The following CEP63 variants were observed in gnomAD, a reference collection of about 807,000 sequenced individuals.
CEP63 encodes the protein centrosomal protein 63, also known as centrosomal protein of 63 kDa.
CEP63 carries 84 observed loss-of-function variants against 89.1 expected under a neutral mutation model. The observed-to-expected ratio is 0.94, with a 90% CI of 0.79 to 1.13. The LOEUF is 1.13. Among genes scored for constraint, CEP63 ranks in the 50% most tolerant of loss-of-function variants. The pLI, the probability that CEP63 is intolerant of heterozygous loss-of-function variation, is 0.00. For missense variants in CEP63, 838 were observed against 813.3 expected, an observed-to-expected ratio of 1.03 and a Z score of -0.37; for synonymous variants, 267 against 272.5, an observed-to-expected ratio of 0.98 and a Z score of 0.20.
Position 134,559,430 on chromosome 3 carries a change from G to A in CEP63, c.1953+1G>A, listed in dbSNP as rs761566762. On this transcript the variant is annotated splice_donor_variant, in intron 14 of 14. Transcript: ENST00000675561. LOFTEE classifies it high-confidence loss of function. ...TGACCAAGAAGAGTTTATATCTTCG[G>A]TATGGAAACTTTCTGATCTTAGTAA... 3 of 1,610,876 alleles carry A rather than the reference G, an allele frequency of 1.9e-6. No individual in the cohort carries two copies. Among genetic ancestry groups the A allele is most frequent in the Non-Finnish European group, 2.5e-6 (3 of 1,177,392 alleles).
At chr3:134,650,785 G>A in the CEP63 span, 1 of 1,529,120 alleles carries the variant, frequency 6.5e-7, no homozygotes, top group East Asian at 2.4e-5. Flanking sequence ...GGAGGCCAAG[G>A]TGCCGGGGGA....
intron 12 of CEP63, 92 bp from the exon 13 acceptor site, chr3:134,558,050 A>G (rs1956592595): frequency 9.2e-7 from 1 of 1,087,436 alleles, no homozygotes; most frequent in African/African-American, 1.6e-5. Context: ...AACTACTTAC[A>G]ACTAAAAAAC....
At chr3:134,637,985 G>C in the CEP63 span, among the ~76,000 whole-genome samples, 1 of 152,190 alleles carries the variant, frequency 6.6e-6, no homozygotes, top group Non-Finnish European at 1.5e-5. Context: ...TCTTGGACAG[G>C]GGTCAATGTC....
At chr3:134,728,169 C>G in the CEP63 span, among the ~76,000 whole-genome samples, 55 of 152,264 alleles carry the variant, frequency 3.6e-4, no homozygotes, top group African/African-American at 1.2e-3. Context: ...ACTTTCCTTT[C>G]CCATGTGATG....
Position 134,564,194 on chromosome 3 carries a change from C to T in CEP63, c.*2659C>T. 2 of 944,488 alleles carry T rather than the reference C, an allele frequency of 2.1e-6. No homozygotes were observed. Among genetic ancestry groups the T allele is most frequent in the South Asian group, 9.8e-5 (2 of 20,432 alleles). The allele number at this position is 944,488 out of a possible 1,614,324, so 58.5% of individuals were successfully genotyped here. A position where few individuals can be genotyped will look rare whatever the true frequency, so the allele number is the denominator to read the frequency against. ...CTCTGGTTCATGGTGGGATCCTCAT[C>T]ACCCAGCACAAGCCCAACACTTAGG... On this transcript the variant is annotated 3_prime_UTR_variant, in exon 15 of 15. Coordinates refer to ENST00000675561, the MANE Select transcript of CEP63 (RefSeq NM_001353108.3).
At chr3:134,496,959 A>C (rs1287228034) in intron 2 of CEP63, among the ~76,000 whole-genome samples, 1 of 152,126 alleles carries the variant, frequency 6.6e-6, no homozygotes, top group Non-Finnish European at 1.5e-5. Context: ...TCTTTTTGAT[A>C]ATCATTCTAA....
At chr3:134,758,043 G>C in the CEP63 span, among the ~76,000 whole-genome samples, 1 of 152,180 alleles carries the variant, frequency 6.6e-6, no homozygotes, top group African/African-American at 2.4e-5. Context: ...TCATCACGAT[G>C]ATGTATCTAA....
chr3:134,712,206 G>T, the CEP63 span, among the ~76,000 whole-genome samples: 1 of 151,964 alleles, frequency 6.6e-6, no homozygotes, highest in Non-Finnish European at 1.5e-5. Context: ...CCATTGTGTT[G>T]GGCAGTGGAT....
chr3:134,527,858 A>T (rs1193323272), intron 3 of CEP63, among the ~76,000 whole-genome samples: 1 of 152,044 alleles, frequency 6.6e-6, no homozygotes, highest in Non-Finnish European at 1.5e-5. Flanking sequence ...GATGGACAAG[A>T]CTACCCTGCA....
chr3:134,631,313 A>G, the CEP63 span, among the ~76,000 whole-genome samples: 4 of 152,230 alleles, frequency 2.6e-5, no homozygotes, highest in Non-Finnish European at 5.9e-5. Context: ...AAAAATATGG[A>G]AAGTAGCCAG....
chr3:134,547,571 A>C (rs1385467715), intron 9 of CEP63, 99 bp downstream of exon 9: 2 of 966,018 alleles, frequency 2.1e-6, no homozygotes, highest in Non-Finnish European at 3.0e-6. Context: ...TAAAAAAAAT[A>C]AGATTTTTTT....
chr3:134,492,998 C>T lies in CEP63; in HGVS notation c.-25-2298C>T, dbSNP rs150984291. ...AGCTGTTGAACATTCAGTAACTTAA[C>T]TTCTAAGTATATTATTAAATAGTCA... On this transcript the variant is annotated intron_variant, in intron 1 of 14. Coordinates refer to ENST00000675561, the MANE Select transcript of CEP63 (RefSeq NM_001353108.3). Among the ~76,000 whole-genome samples the T allele has an allele frequency of 3.3e-3, 502 of 152,136 alleles. 5 individuals are homozygous for T. The highest frequency in any genetic ancestry group is 0.012 in the African/African-American group (480 of 41,516).
chr3:134,762,600 C>T, the CEP63 span, among the ~76,000 whole-genome samples: 2 of 152,150 alleles, frequency 1.3e-5, no homozygotes, highest in Admixed American at 1.3e-4. Flanking sequence ...CACAGATCTA[C>T]ACAGAGGGAA....
downstream of CEP63, among the ~76,000 whole-genome samples, chr3:134,575,965 G>A (rs940679103): frequency 3.0e-4 from 45 of 152,128 alleles, 1 homozygote; most frequent in African/African-American, 8.5e-4. Flanking sequence ...TCATATAAAT[G>A]CAATATTTCT....
At chr3:134,729,584 A>C in the CEP63 span, among the ~76,000 whole-genome samples, 1 of 152,216 alleles carries the variant, frequency 6.6e-6, no homozygotes, top group Non-Finnish European at 1.5e-5. Context: ...GATCTGGTTC[A>C]AATATGAAGT....
the CEP63 span, among the ~76,000 whole-genome samples, chr3:134,597,415 A>C: frequency 6.6e-6 from 1 of 152,196 alleles, no homozygotes; most frequent in Non-Finnish European, 1.5e-5. Flanking sequence ...CTGACTGCAC[A>C]CACAGAACCC....
intron 5 of CEP63, chr3:134,535,495 C>CCTT (rs1553768216): frequency 1.1e-4 from 1 of 8,942 alleles, no homozygotes; most frequent in Non-Finnish European, 4.8e-4. Flanking sequence ...TGGACCTTTC[C>CCTT]TTTCCTTTTT....
chr3:134,620,414 C>T, the CEP63 span, among the ~76,000 whole-genome samples: 1 of 152,174 alleles, frequency 6.6e-6, no homozygotes, highest in Non-Finnish European at 1.5e-5. Context: ...TTGGAGATGA[C>T]CTGTTGCTCT....
At chr3:134,760,559 A>G in the CEP63 span, among the ~76,000 whole-genome samples, 1 of 152,208 alleles carries the variant, frequency 6.6e-6, no homozygotes, top group Non-Finnish European at 1.5e-5. Flanking sequence ...TAAATGTGGT[A>G]GAAGAAAGGG....
Sources: gnomAD v4.1 joint callset for allele counts (sites outside exome capture counted in the v4.1 genomes callset) on GRCh38, gnomAD v4.1.1 for gene constraint, MANE v1.5 for transcripts, NCBI Gene and HGNC (gene_info 2026-07-23, HGNC 2026-07-21) for gene names.